Variants in PAM observed in about 807,000 individuals in gnomAD.
The protein encoded by PAM is peptidyl-glycine alpha-amidating monooxygenase.
PAM carries 72 observed loss-of-function variants against 122.1 expected under a neutral mutation model. That is an observed-to-expected ratio of 0.59 (90% CI 0.49 to 0.72). PAM has a LOEUF of 0.72. Among genes scored for constraint, PAM ranks in the 30% least tolerant of loss-of-function variants. PAM has a pLI of 0.00. For missense variants in PAM, 1,106 were observed against 1,183.7 expected (o/e 0.93, Z 0.96); for synonymous variants, 389 against 404.4 (o/e 0.96, Z 0.46).
chr5:102,819,793 C>T (rs1771132329), intron 1 of PAM, among the ~76,000 whole-genome samples: 1 of 152,164 alleles, frequency 6.6e-6, no homozygotes, highest in Non-Finnish European at 1.5e-5. Flanking sequence ...CTGGCAGTTA[C>T]CCTGGATGGT....
chr5:102,980,862 A>G (rs1197344414), intron 15 of PAM, among the ~76,000 whole-genome samples: 1 of 152,218 alleles, frequency 6.6e-6, no homozygotes, highest in Non-Finnish European at 1.5e-5. Context: ...AAATAAAATA[A>G]CAATAATGTA....
chr5:102,893,337 A>T (rs1482956985), intron 3 of PAM, among the ~76,000 whole-genome samples: 1 of 151,726 alleles, frequency 6.6e-6, no homozygotes, highest in Non-Finnish European at 1.5e-5. Context: ...CCCCTATGTC[A>T]TGCTTTCTCC....
At chr5:102,763,293 A>C (rs1752933362) in intron 1 of PAM, among the ~76,000 whole-genome samples, 2 of 152,096 alleles carry the variant, frequency 1.3e-5, no homozygotes, top group African/African-American at 4.8e-5. Flanking sequence ...TTAGTGGAAA[A>C]ATTTTTTATC....
intron 13 of PAM, 92 bp from the exon 14 acceptor site, chr5:102,961,066 T>C: frequency 1.5e-6 from 1 of 687,464 alleles, no homozygotes; most frequent in Non-Finnish European, 2.7e-6. Context: ...CCCTGAATAG[T>C]ATTTTTATGT....
At chr5:102,885,731 C>A (rs1358425148) in intron 3 of PAM, among the ~76,000 whole-genome samples, 2 of 151,984 alleles carry the variant, frequency 1.3e-5, no homozygotes, top group Admixed American at 1.3e-4. Context: ...TTTAACTCTG[C>A]CAGAGGTGAA....
intron 7 of PAM, among the ~76,000 whole-genome samples, chr5:102,935,608 G>A (rs987253601): frequency 3.3e-5 from 5 of 152,032 alleles, no homozygotes; most frequent in African/African-American, 1.2e-4. Context: ...CAAATCGCTC[G>A]ACAGTTTTTC....
intron 1 of PAM, among the ~76,000 whole-genome samples, chr5:102,794,346 A>G (rs150633774): frequency 1.3e-5 from 2 of 152,356 alleles, no homozygotes; most frequent in East Asian, 3.9e-4. Flanking sequence ...TTACTGATTC[A>G]GATACATTTT....
intron 1 of PAM, among the ~76,000 whole-genome samples, chr5:102,778,401 G>A (rs1172389255): frequency 6.6e-6 from 1 of 152,116 alleles, no homozygotes; most frequent in African/African-American, 2.4e-5. Flanking sequence ...ATGTTTACCT[G>A]ACAAGTAAAC....
At chr5:102,815,454 A>G (rs886427891) in intron 1 of PAM, among the ~76,000 whole-genome samples, 1 of 152,156 alleles carries the variant, frequency 6.6e-6, no homozygotes, top group African/African-American at 2.4e-5. Flanking sequence ...TTCTGCATTA[A>G]ATTACTAGTT....
Position 102,822,169 on chromosome 5 carries a change from G to A in PAM, c.-373-43654G>A, listed in dbSNP as rs183480419. Among the ~76,000 whole-genome samples the A allele has an allele frequency of 3.1e-4, 47 of 152,216 alleles. No individual in the cohort carries two copies. In the East Asian group the frequency reaches 8.7e-3, roughly 28 times the overall value. On this transcript the variant is annotated intron_variant, in intron 1 of 25. Coordinates refer to ENST00000438793, the MANE Select transcript of PAM (RefSeq NM_001177306.2). ...ATAACGATTATGGCCGGCCCCCTGA[G>A]CACTTTCATTTTGCATCATTTATTG...
intron 1 of PAM, among the ~76,000 whole-genome samples, chr5:102,840,941 G>T (rs947074259): frequency 2.0e-5 from 3 of 152,188 alleles, no homozygotes; most frequent in Non-Finnish European, 1.5e-5. Flanking sequence ...AAAGGATATT[G>T]CAAGGCAAGT....
chr5:102,887,946 A>T (rs928868217), intron 3 of PAM, among the ~76,000 whole-genome samples: 3 of 151,860 alleles, frequency 2.0e-5, no homozygotes, highest in Admixed American at 1.3e-4. Context: ...TGTTCCCCGC[A>T]TCCTCCACCT....
intron 12 of PAM, among the ~76,000 whole-genome samples, chr5:102,951,381 C>A (rs1322526420): frequency 3.9e-5 from 6 of 151,928 alleles, no homozygotes; most frequent in Non-Finnish European, 7.4e-5. Flanking sequence ...ATAAAATTTT[C>A]AAAGCACTAT....
intron 1 of PAM, among the ~76,000 whole-genome samples, chr5:102,835,825 T>C (rs553756210): frequency 6.6e-6 from 1 of 152,242 alleles, no homozygotes; most frequent in East Asian, 1.9e-4. Context: ...AAAGTATATT[T>C]CATATGTTTC....
intron 1 of PAM, among the ~76,000 whole-genome samples, chr5:102,855,075 T>C (rs1033523477): frequency 1.3e-5 from 2 of 152,224 alleles, no homozygotes; most frequent in African/African-American, 4.8e-5. Flanking sequence ...TTAAAATGTT[T>C]TTTTAAGCAA....
Position 102,863,632 on chromosome 5 carries a change from T to G in PAM, c.-373-2191T>G, listed in dbSNP as rs540440579. ...TTGTATAAAGTATTGAAACTAAGGG[T>G]TTTTTTTTTTTTGGATGAGTGAAGG... On this transcript the variant is annotated intron_variant, in intron 1 of 25. Coordinates refer to ENST00000438793, the MANE Select transcript of PAM (RefSeq NM_001177306.2). Among the ~76,000 whole-genome samples, 16 of 138,790 alleles carry G rather than the reference T, an allele frequency of 1.2e-4. No individual in the cohort carries two copies. In the East Asian group the frequency reaches 1.4e-3, roughly 12 times the overall value. 91.1% of individuals were successfully genotyped at this position (138,790 alleles called of 152,430 possible).
intron 1 of PAM, among the ~76,000 whole-genome samples, chr5:102,759,844 A>G (rs1751804631): frequency 6.6e-6 from 1 of 152,220 alleles, no homozygotes; most frequent in Non-Finnish European, 1.5e-5. Context: ...GATTTGTGTT[A>G]CAAGATGCAG....
intron 3 of PAM, among the ~76,000 whole-genome samples, chr5:102,880,494 A>G (rs902981188): frequency 6.6e-6 from 1 of 152,158 alleles, no homozygotes; most frequent in Non-Finnish European, 1.5e-5. Flanking sequence ...TCATAATTCA[A>G]TAAAACTAGA....
At chr5:102,892,498 T>C (rs1361674485) in intron 3 of PAM, among the ~76,000 whole-genome samples, 4 of 151,854 alleles carry the variant, frequency 2.6e-5, no homozygotes, top group Non-Finnish European at 5.9e-5. Flanking sequence ...TACATGTGAC[T>C]GAGATGCCAT....
Sources: allele counts gnomAD v4.1 joint callset (sites outside exome capture counted in the v4.1 genomes callset), GRCh38; gene constraint gnomAD v4.1.1; transcripts MANE v1.5; gene names NCBI Gene and HGNC (gene_info 2026-07-23, HGNC 2026-07-21).